Variants in SCNN1D observed in about 807,000 individuals in gnomAD.
SCNN1D encodes sodium channel epithelial 1 subunit delta.
Under a neutral mutation model 87.8 loss-of-function variants are expected in SCNN1D, and 104 were observed. The observed-to-expected ratio is 1.18, with a 90% CI of 1.01 to 1.39. SCNN1D has a LOEUF of 1.39. SCNN1D is among the 40% of genes most tolerant of loss of function. The pLI is 0.00. For missense variants in SCNN1D, 1,324 were observed against 1,093.9 expected, an observed-to-expected ratio of 1.21 and a Z score of -2.97; for synonymous variants, 628 against 481.2, an observed-to-expected ratio of 1.31 and a Z score of -3.99.
At chr1:1,288,206 T>TGTCTCTGCTCCGTCCCCCGA (rs1557584071) in intron 12 of SCNN1D, among the ~76,000 whole-genome samples, 169 bp downstream of exon 12, 8 of 146,888 alleles carry the variant, frequency 5.4e-5, no homozygotes, top group African/African-American at 2.0e-4. Flanking sequence ...CCATTCCCTG[T>TGTCTCTGCTCCGTCCCCCGA]GTCTCTGCTC....
rs1192230032 is a variant in SCNN1D at position 1,285,683 on chromosome 1, G to A, written c.558+19G>A. ...GGGCCAGGTAGGGCCTGAGCACCCTGTTCTCTGAGTCCTGCTGCCCCAGCA... is the reference window on the plus strand; with the variant it reads ...GGGCCAGGTAGGGCCTGAGCACCCTATTCTCTGAGTCCTGCTGCCCCAGCA... On this transcript the variant is annotated intron_variant, in intron 6 of 17. Transcript: ENST00000379116. The A allele has an allele frequency of 5.3e-6, 8 of 1,506,270 alleles. No individual in the cohort carries two copies. The South Asian group carries it at 1.0e-4, about 19-fold the overall frequency. The allele number at this position is 1,506,270 out of a possible 1,614,324, so 93.3% of individuals were successfully genotyped here.
intron 12 of SCNN1D, among the ~76,000 whole-genome samples, chr1:1,288,534 TGTCTCTGCTCCGTCC>T (rs1640684242): frequency 1.5e-5 from 1 of 67,020 alleles, no homozygotes; most frequent in Non-Finnish European, 2.5e-5. Flanking sequence ...CTCCGTCCCG[TGTCTCTGCTCCGTCC>T]CCCGTGTCTC....
At chr1:1,285,686 C>G in intron 6 of SCNN1D, 22 bp downstream of exon 6, 2 of 1,496,148 alleles carry the variant, frequency 1.3e-6, no homozygotes, top group African/African-American at 1.4e-5. Context: ...GCACCCTGTT[C>G]TCTGAGTCCT....
rs115316182 is a variant in SCNN1D at position 1,287,310 on chromosome 1, C to T, written c.1310+11C>T. 0.05 allele frequency: 77,542 copies of T among 1,564,570 alleles called. 2,212 individuals carry two copies. Among genetic ancestry groups the T allele is most frequent in the Middle Eastern group, 0.084 (485 of 5,762 alleles). On this transcript the variant is annotated intron_variant, in intron 9 of 17. Transcript: ENST00000379116. ...GGACTGCCAGGCCCGGTGAGTGTGGCGGGCGGGGGCCACTCCTTCCGTCCC... is the reference window on the plus strand; with the variant it reads ...GGACTGCCAGGCCCGGTGAGTGTGGTGGGCGGGGGCCACTCCTTCCGTCCC...
chr1:1,291,919 C>G lies in SCNN1D; in HGVS notation c.*309C>G. ...TCTGCATGTCCACACGTCTGATGCA[C>G]CTGTGTACGTGTGTCAAGCCTAGCC... On this transcript the variant is annotated 3_prime_UTR_variant, in exon 18 of 18. Transcript: ENST00000379116. The G allele has an allele frequency of 3.6e-6, 1 of 281,048 alleles. No homozygotes were observed. Among genetic ancestry groups the G allele is most frequent in the East Asian group, 6.2e-5 (1 of 16,166 alleles). 17.4% of individuals were successfully genotyped at this position (281,048 alleles called of 1,614,324 possible).
At position 1,287,511 on chromosome 1, in the gene SCNN1D, G is replaced by A; in HGVS notation, c.1314G>A (p.Gln438=). 6.5e-7 allele frequency: 1 copy of A among 1,527,940 alleles called. No homozygotes were observed. The highest frequency in any genetic ancestry group is 8.8e-7 in the Non-Finnish European group (1 of 1,135,926). The allele number at this position is 1,527,940 out of a possible 1,614,324, so 94.6% of individuals were successfully genotyped here. ...TGAGCTTGGCTTCTCATTCCAGACA[G>A]TTCCGGACCTTCCACCACCCCACCT... The part of the protein sequence containing the change: ...SYDGLDCQAR[Q]FRTFHHPTYG... The change falls in exon 10 of 18, where the codon CAG becomes CAA. Residue 438 remains glutamine, a synonymous_variant. Coordinates refer to ENST00000379116, the MANE Select transcript of SCNN1D (RefSeq NM_001130413.4).
rs1640809412 is a variant in SCNN1D at position 1,291,375 on chromosome 1, G to A, written c.2174G>A (p.Gly725Asp). Residue 725 changes from glycine to aspartate, a missense_variant, in exon 18 of 18, where the codon GGC (glycine) becomes GAC (aspartate). Physicochemically the swap from Gly to Asp is moderately conservative, Grantham distance 94 (BLOSUM62 -1). Coordinates refer to ENST00000379116, the MANE Select transcript of SCNN1D (RefSeq NM_001130413.4). ...LDASALTLVL[G>D]GRRLRRAWFS... Reference sequence around the variant, plus strand: ...GCTTCTGCCCTCACCCTGGTGCTAGGCGGCCGCCGGCTCCGCAGGGCGTGG... The same window carrying A: ...GCTTCTGCCCTCACCCTGGTGCTAGACGGCCGCCGGCTCCGCAGGGCGTGG... 6.2e-7 allele frequency: 1 copy of A among 1,608,612 alleles called. No individual in the cohort carries two copies. Among genetic ancestry groups the A allele is most frequent in the African/African-American group, 1.3e-5 (1 of 74,980 alleles).
chr1:1,290,703 C>G lies in SCNN1D; in HGVS notation c.1917+9C>G. The G allele has an allele frequency of 6.2e-7, 1 of 1,612,556 alleles. No homozygotes were observed. The highest frequency in any genetic ancestry group is 1.1e-5 in the South Asian group (1 of 91,076). ...CTTCCGCCAAGTCAGCTGTGAGTCC[C>G]CAAAGTGGTGGGGTGGGGGTGTGGA... On this transcript the variant is annotated intron_variant, in intron 15 of 17. Coordinates refer to ENST00000379116, the MANE Select transcript of SCNN1D (RefSeq NM_001130413.4).
intron 9 of SCNN1D, 51 bp from the exon 10 acceptor site, chr1:1,287,457 A>G: frequency 1.3e-6 from 2 of 1,502,748 alleles, no homozygotes; most frequent in South Asian, 2.7e-5. Context: ...GGCCAGCGTG[A>G]CGGGCGCGGG....
chr1:1,290,586 G>A (rs981629360), intron 14 of SCNN1D, 31 bp downstream of exon 14: 5 of 1,612,568 alleles, frequency 3.1e-6, no homozygotes, highest in Non-Finnish European at 4.2e-6. Flanking sequence ...TCGCGGCCAG[G>A]GATCATTGCC....
chr1:1,283,888 CT>C, intron 4 of SCNN1D, 89 bp from the exon 5 acceptor site: 1 of 631,856 alleles, frequency 1.6e-6, no homozygotes. Context: ...AGGAATTCCC[CT>C]TTTGGGTCCG....
chr1:1,282,756 CTT>C (rs61112547), intron 4 of SCNN1D, among the ~76,000 whole-genome samples: 9 of 142,520 alleles, frequency 6.3e-5, no homozygotes, highest in Admixed American at 7.0e-5. Context: ...GAATCACTTT[CTT>C]TTTTTTTTTT....
chr1:1,290,743 C>T (rs981129477), intron 15 of SCNN1D, 49 bp downstream of exon 15: 1 of 1,598,008 alleles, frequency 6.3e-7, no homozygotes, highest in Non-Finnish European at 8.6e-7. Context: ...CAGGCAGACC[C>T]CACAGGTCCC....
Position 1,286,828 on chromosome 1 carries a change from C to T in SCNN1D, c.972C>T (p.Asp324=), listed in dbSNP as rs142913584. 32 of 1,612,596 alleles carry T rather than the reference C, an allele frequency of 2.0e-5. No individual in the cohort carries two copies. The African/African-American group carries it at 2.4e-4, about 12-fold the overall frequency. ...ACGAGTTTGCCAGGGAGAACATTGACTCCCTGTACAACGTCAACCTCAGCA... is the reference window on the plus strand; with the variant it reads ...ACGAGTTTGCCAGGGAGAACATTGATTCCCTGTACAACGTCAACCTCAGCA... ...LLDEFARENI[D]SLYNVNLSKG... is the part of the protein sequence containing the mutation. The change falls in exon 8 of 18, where the codon GAC becomes GAT. Residue 324 remains aspartate, a synonymous_variant. Transcript: ENST00000379116.
Position 1,287,275 on chromosome 1 carries a change from A to C in SCNN1D, c.1286A>C (p.Tyr429Ser), listed in dbSNP as rs1272503945. The change falls in exon 9 of 18, where the codon TAC (tyrosine) becomes TCC (serine). Residue 429 changes from tyrosine (Y) to serine (S), a missense_variant. Coordinates refer to ENST00000379116, the MANE Select transcript of SCNN1D (RefSeq NM_001130413.4). ...GGCCACTTCGTCCTCTCCTGCAGTTACGATGGCCTGGACTGCCAGGCCCGG... is the reference window on the plus strand; with the variant it reads ...GGCCACTTCGTCCTCTCCTGCAGTTCCGATGGCCTGGACTGCCAGGCCCGG... Reference protein sequence around the residue: ...QDGHFVLSCSYDGLDCQARQF... With the variant: ...QDGHFVLSCSSDGLDCQARQF... The C allele has an allele frequency of 1.2e-6, 2 of 1,603,064 alleles. No individual in the cohort carries two copies. The highest frequency in any genetic ancestry group is 2.2e-5 in the South Asian group (2 of 90,170).
intron 7 of SCNN1D, 29 bp downstream of exon 7, chr1:1,286,307 G>T: frequency 6.7e-7 from 1 of 1,499,300 alleles, no homozygotes. Flanking sequence ...GGCGGGAGGG[G>T]TGGCCGCCCC....
At position 1,290,697 on chromosome 1, in the gene SCNN1D, G is replaced by GGA; in HGVS notation, c.1917+3_1917+4insGA. On this transcript the variant is annotated splice_donor_region_variant and intron_variant, in intron 15 of 17. Coordinates refer to ENST00000379116, the MANE Select transcript of SCNN1D (RefSeq NM_001130413.4). ...GGTGGCCTTCCGCCAAGTCAGCTGT[G>GGA]AGTCCCCAAAGTGGTGGGGTGGGGG... 6.2e-7 allele frequency: 1 copy of GGA among 1,612,598 alleles called. No individual in the cohort carries two copies. Among genetic ancestry groups the GGA allele is most frequent in the Non-Finnish European group, 8.5e-7 (1 of 1,179,930 alleles).
rs774109197 is a variant in SCNN1D, at chr1:1,290,916, G to A, written c.1939G>A (p.Gly647Ser). The change falls in exon 16 of 18, where the codon GGT becomes AGT. Residue 647 changes from glycine (G) to serine (S), a missense_variant. Gly to Ser is a moderately conservative substitution (Grantham distance 56, BLOSUM62 0). Transcript: ENST00000379116. Reference sequence around the variant, plus strand: ...GCAGGGATGGACTCTGGCCACGCTAGGTGAACAGGGGCTGCCGCATCAGAG... The same window carrying A: ...GCAGGGATGGACTCTGGCCACGCTAAGTGAACAGGGGCTGCCGCATCAGAG... ...KSAGWTLATL[G>S]EQGLPHQSHR... 3 of 1,610,020 alleles carry A rather than the reference G, an allele frequency of 1.9e-6. No homozygotes were observed. Among genetic ancestry groups the A allele is most frequent in the Admixed American group, 3.3e-5 (2 of 59,712 alleles).
In SCNN1D at chr1:1,291,368, G is replaced by A. The variant is rs758801089; in HGVS notation, c.2167G>A (p.Val723Met). Residue 723 changes from valine (V) to methionine (M), a missense_variant, in exon 18 of 18, where the codon GTG becomes ATG. By Grantham distance (21) the Val-to-Met change is conservative. Transcript: ENST00000379116. ...GCTCGATGCTTCTGCCCTCACCCTG[G>A]TGCTAGGCGGCCGCCGGCTCCGCAG... ...LLLDASALTL[V>M]LGGRRLRRAW... 8.3e-5 allele frequency: 133 copies of A among 1,608,756 alleles called. No homozygotes were observed. The highest frequency in any genetic ancestry group is 5.5e-5 in the South Asian group (5 of 90,586).
Sources: gnomAD v4.1 joint callset for allele counts (sites outside exome capture counted in the v4.1 genomes callset) on GRCh38, gnomAD v4.1.1 for gene constraint, MANE v1.5 for transcripts, NCBI Gene and HGNC (gene_info 2026-07-23, HGNC 2026-07-21) for gene names.